MOB3B: variants seen among roughly 807,000 people sequenced by gnomAD.
MOB3B encodes the protein MOB kinase activator 3B.
In MOB3B, 7 loss-of-function variants were observed where a neutral mutation model predicts 18.7. That is an observed-to-expected ratio of 0.37 (90% CI 0.21 to 0.70). The LOEUF is 0.70. Among genes scored for constraint, MOB3B ranks in the 30% least tolerant of loss-of-function variants. MOB3B has a pLI of 0.52. For synonymous variants in MOB3B, 111 were observed against 99.9 expected (o/e 1.11, Z -0.66); for missense variants, 253 against 281.3 (o/e 0.90, Z 0.72).
intron 3 of MOB3B, among the ~76,000 whole-genome samples, chr9:27,353,018 C>G (rs1821128907): frequency 6.6e-6 from 1 of 152,214 alleles, no homozygotes; most frequent in African/African-American, 2.4e-5. Context: ...GAGGAGCTCT[C>G]TTGGCAAACA....
chr9:27,336,333 G>A (rs575062620), intron 3 of MOB3B, among the ~76,000 whole-genome samples: 7 of 152,128 alleles, frequency 4.6e-5, no homozygotes, highest in African/African-American at 1.7e-4. Context: ...ATGGATAAGG[G>A]GGGGGAAGAG....
chr9:27,401,133 C>T (rs556705794), intron 2 of MOB3B, among the ~76,000 whole-genome samples: 2 of 152,292 alleles, frequency 1.3e-5, no homozygotes, highest in East Asian at 1.9e-4. Context: ...GAGCAGGGGC[C>T]GGGTGCTCCT....
intron 2 of MOB3B, 137 bp from the exon 3 acceptor site, chr9:27,359,373 G>T: frequency 3.8e-6 from 2 of 520,730 alleles, no homozygotes; most frequent in Non-Finnish European, 3.3e-6. Flanking sequence ...GGGAGTGTGT[G>T]TGTGTGGGGG....
chr9:27,379,801 G>A (rs1277888715), intron 2 of MOB3B, among the ~76,000 whole-genome samples: 1 of 152,090 alleles, frequency 6.6e-6, no homozygotes, highest in Non-Finnish European at 1.5e-5. Flanking sequence ...AGCTCTCAAG[G>A]CATAAAGTCT....
chr9:27,448,442 CA>C (rs1188921974), intron 2 of MOB3B, among the ~76,000 whole-genome samples: 2 of 152,116 alleles, frequency 1.3e-5, no homozygotes, highest in African/African-American at 4.8e-5. Context: ...TGGTGGAAAG[CA>C]AAAGGCACGT....
intron 3 of MOB3B, among the ~76,000 whole-genome samples, chr9:27,353,000 G>T (rs71510489): frequency 0.05 from 7,568 of 152,242 alleles, 347 homozygotes; most frequent in African/African-American, 0.11. Context: ...ACTCAGGACT[G>T]GCATTTTGAG....
chr9:27,417,978 G>T lies in MOB3B; in HGVS notation c.418+37155C>A, dbSNP rs188205029. On this transcript the variant is annotated intron_variant, in intron 2 of 3. Coordinates refer to ENST00000262244, the MANE Select transcript of MOB3B (RefSeq NM_024761.5). ...GTGGTGGCACACGCCTGTGGTCCCA[G>T]CTACTTGGGAGGCTGAGGCAGGAGA... Among the ~76,000 whole-genome samples, 5 of 151,256 alleles carry T rather than the reference G, an allele frequency of 3.3e-5. No homozygotes were observed. In the East Asian group the frequency reaches 9.9e-4, roughly 30 times the overall value.
At position 27,455,714 on chromosome 9, in the gene MOB3B, C is replaced by T; in HGVS notation, c.-164G>A. ...TCTAAACAGCCCCTTCCATCTTCCT[C>T]TTGAATGATTTCCAAGGGAACCTCA... is the stretch of plus-strand genomic sequence containing the variant. On this transcript the variant is annotated 5_prime_UTR_variant, in exon 2 of 4. Coordinates refer to ENST00000262244, the MANE Select transcript of MOB3B (RefSeq NM_024761.5). 6.8e-7 allele frequency: 1 copy of T among 1,465,762 alleles called. No homozygotes were observed. Among genetic ancestry groups the T allele is most frequent in the Non-Finnish European group, 8.9e-7 (1 of 1,117,780 alleles). 90.8% of individuals were successfully genotyped at this position (1,465,762 alleles called of 1,614,324 possible). A position where few individuals can be genotyped will look rare whatever the true frequency, so the allele number is the denominator to read the frequency against.
At chr9:27,434,845 T>C (rs1822473266) in intron 2 of MOB3B, among the ~76,000 whole-genome samples, 1 of 152,150 alleles carries the variant, frequency 6.6e-6, no homozygotes, top group Admixed American at 6.6e-5. Flanking sequence ...CAAAGGGCTC[T>C]CAGTTGGTGC....
At chr9:27,439,129 AC>A (rs1181886856) in intron 2 of MOB3B, among the ~76,000 whole-genome samples, 1 of 152,148 alleles carries the variant, frequency 6.6e-6, no homozygotes, top group African/African-American at 2.4e-5. Flanking sequence ...TCCTATTAAG[AC>A]CTTACAGCAA....
chr9:27,425,229 G>C (rs1038737414), intron 2 of MOB3B, among the ~76,000 whole-genome samples: 21 of 152,060 alleles, frequency 1.4e-4, no homozygotes, highest in Admixed American at 3.3e-4. Flanking sequence ...TACAAAATTA[G>C]CCAGGCATGA....
chr9:27,369,128 T>C (rs116852482), intron 2 of MOB3B, among the ~76,000 whole-genome samples: 1,542 of 152,282 alleles, frequency 0.01, 13 homozygotes, highest in Non-Finnish European at 0.016. Flanking sequence ...ATGAACTTCA[T>C]TGGTTCTGGA....
At chr9:27,339,626 C>T (rs1218476024) in intron 3 of MOB3B, among the ~76,000 whole-genome samples, 4 of 152,224 alleles carry the variant, frequency 2.6e-5, no homozygotes, top group African/African-American at 9.6e-5. Context: ...TCTTATTTTA[C>T]AGAGGGGTAA....
In MOB3B at chr9:27,367,557, TTCTTG is replaced by T. The variant is rs150112749; in HGVS notation, c.419-8326_419-8322del. The stretch of plus-strand genomic sequence containing the variant: ...TTGCTAACTGCCAAAAGCCTCTGTT[TTCTTG>T]TCTGAGGAATGGTGATAATAATACC... On this transcript the variant is annotated intron_variant, in intron 2 of 3. Transcript: ENST00000262244. Among the ~76,000 whole-genome samples the T allele has an allele frequency of 2.0e-4, 30 of 152,316 alleles. No homozygotes were observed. In the East Asian group the frequency reaches 4.6e-3, roughly 24 times the overall value.
intron 2 of MOB3B, among the ~76,000 whole-genome samples, chr9:27,399,381 G>C (rs1027802715): frequency 1.3e-5 from 2 of 152,136 alleles, no homozygotes; most frequent in African/African-American, 4.8e-5. Flanking sequence ...AGCACACAAG[G>C]GCAGGTGGAA....
At chr9:27,414,440 C>A (rs1194644727) in intron 2 of MOB3B, among the ~76,000 whole-genome samples, 1 of 152,214 alleles carries the variant, frequency 6.6e-6, no homozygotes, top group African/African-American at 2.4e-5. Flanking sequence ...AACTCATGGC[C>A]TCCATTCAAT....
intron 1 of MOB3B, among the ~76,000 whole-genome samples, chr9:27,521,277 G>T (rs1474812781): frequency 6.6e-6 from 1 of 152,184 alleles, no homozygotes; most frequent in Non-Finnish European, 1.5e-5. Flanking sequence ...ATAGTAAAGG[G>T]AGGAAATTTG....
chr9:27,433,583 G>T (rs777041338), intron 2 of MOB3B, among the ~76,000 whole-genome samples: 2 of 152,140 alleles, frequency 1.3e-5, no homozygotes, highest in Non-Finnish European at 2.9e-5. Flanking sequence ...GATATCAAAT[G>T]AGCCTACAAA....
intron 1 of MOB3B, among the ~76,000 whole-genome samples, chr9:27,505,083 T>C (rs1820039925): frequency 6.6e-6 from 1 of 152,230 alleles, no homozygotes; most frequent in Admixed American, 6.5e-5. Context: ...TGTAATCGCA[T>C]ACACAAAATT....
Sources: allele counts gnomAD v4.1 joint callset (sites outside exome capture counted in the v4.1 genomes callset), GRCh38; gene constraint gnomAD v4.1.1; transcripts MANE v1.5; gene names NCBI Gene and HGNC (gene_info 2026-07-23, HGNC 2026-07-21).